MCPH1: variants seen among roughly 807,000 people sequenced by gnomAD.
The protein encoded by MCPH1 is microcephalin 1, also known as microcephalin.
In MCPH1, 104 loss-of-function variants were observed where a neutral mutation model predicts 84.5. The ratio of observed to expected loss-of-function variants is 1.23; its 90% CI spans 1.05 to 1.45. The LOEUF (loss-of-function observed/expected upper bound fraction) is 1.45. Ranked by LOEUF, MCPH1 falls within the 40% of genes most tolerant of loss-of-function variation. The pLI is 0.00. For missense variants in MCPH1, 1,498 were observed against 1,005.7 expected, an observed-to-expected ratio of 1.49 and a Z score of -6.62; for synonymous variants, 514 against 366.8, an observed-to-expected ratio of 1.40 and a Z score of -4.58.
intron 5 of MCPH1, among the ~76,000 whole-genome samples, chr8:6,437,912 C>T (rs1233896931): frequency 2.6e-5 from 4 of 152,218 alleles, no homozygotes; most frequent in Non-Finnish European, 5.9e-5. Flanking sequence ...TGTCTCCTTA[C>T]AGTTCATCTC....
intron 12 of MCPH1, among the ~76,000 whole-genome samples, chr8:6,556,809 G>C (rs1824695588): frequency 6.6e-6 from 1 of 151,950 alleles, no homozygotes; most frequent in African/African-American, 2.4e-5. Context: ...GGCTGGTCTT[G>C]AACTCCTGGC....
intron 12 of MCPH1, among the ~76,000 whole-genome samples, chr8:6,600,202 C>T (rs1323343630): frequency 6.6e-6 from 1 of 152,258 alleles, no homozygotes; most frequent in Non-Finnish European, 1.5e-5. Flanking sequence ...AAAACCTACT[C>T]ATCCTGGCAA....
At chr8:6,512,478 C>T (rs1376984150) in intron 12 of MCPH1, among the ~76,000 whole-genome samples, 2 of 152,100 alleles carry the variant, frequency 1.3e-5, no homozygotes, top group African/African-American at 2.4e-5. Context: ...AATTTCTGAC[C>T]TCAAAGTGGG....
rs77429156 is a variant in MCPH1 at position 6,577,457 on chromosome 8, G to A, written c.2215-43997G>A. On this transcript the variant is annotated intron_variant, in intron 12 of 13. Transcript: ENST00000344683. ...ACATATTCTGAATGTACAAATGGCT[G>A]TCTAGTAAACACACTGGAACTTCCA... Among the ~76,000 whole-genome samples, 844 of 152,338 alleles carry A rather than the reference G, an allele frequency of 5.5e-3. 11 individuals carry two copies. The highest frequency in any genetic ancestry group is 0.055 in the East Asian group (285 of 5,188).
intron 12 of MCPH1, among the ~76,000 whole-genome samples, chr8:6,561,139 A>T (rs1374870459): frequency 2.0e-5 from 3 of 152,218 alleles, no homozygotes; most frequent in Non-Finnish European, 4.4e-5. Flanking sequence ...CATACTTTTT[A>T]AGCTTAGCGT....
intron 12 of MCPH1, among the ~76,000 whole-genome samples, chr8:6,517,019 C>G (rs1275844452): frequency 6.6e-6 from 1 of 152,148 alleles, no homozygotes; most frequent in Non-Finnish European, 1.5e-5. Flanking sequence ...GAAAAAAGAA[C>G]AGAGGATTTG....
At chr8:6,594,714 GGAC>G (rs1828789874) in intron 12 of MCPH1, among the ~76,000 whole-genome samples, 1 of 135,350 alleles carries the variant, frequency 7.4e-6, no homozygotes, top group Non-Finnish European at 1.7e-5. Context: ...GGACTGCAGG[GGAC>G]TGCAGGGGAA....
intron 12 of MCPH1, among the ~76,000 whole-genome samples, chr8:6,619,845 A>C (rs1302807371): frequency 6.6e-6 from 1 of 152,218 alleles, no homozygotes; most frequent in Non-Finnish European, 1.5e-5. Flanking sequence ...CAGCCTCGCA[A>C]AGTGCTGGGA....
At position 6,414,803 on chromosome 8, in the gene MCPH1, C is replaced by A. The variant is rs1414031254; in HGVS notation, c.153C>A (p.Ile51=). Residue 51 remains isoleucine (I), a synonymous_variant, in exon 3 of 14, where the codon ATC becomes ATA. Transcript: ENST00000344683. ...TTAACAAACAAGTAACTCACGTTAT[C>A]TTCAAAGATGGCTACCAGAGCACTT... The part of the protein sequence containing the change: ...KTFNKQVTHV[I]FKDGYQSTWD... 6.2e-7 allele frequency: 1 copy of A among 1,613,822 alleles called. No individual in the cohort carries two copies. Among genetic ancestry groups the A allele is most frequent in the Non-Finnish European group, 8.5e-7 (1 of 1,179,868 alleles).
intron 12 of MCPH1, among the ~76,000 whole-genome samples, chr8:6,544,538 T>C (rs961286695): frequency 2.0e-5 from 3 of 152,238 alleles, no homozygotes; most frequent in African/African-American, 7.2e-5. Context: ...CAAGTCATTT[T>C]CGGAGAGAGT....
intron 12 of MCPH1, among the ~76,000 whole-genome samples, chr8:6,515,804 A>C (rs546663202): frequency 2.0e-4 from 30 of 152,328 alleles, no homozygotes; most frequent in Admixed American, 9.1e-4. Flanking sequence ...AGAATAATGG[A>C]GGCGATTTGG....
chr8:6,483,095 T>G (rs1223563485), intron 11 of MCPH1, among the ~76,000 whole-genome samples: 1 of 152,192 alleles, frequency 6.6e-6, no homozygotes, highest in Non-Finnish European at 1.5e-5. Flanking sequence ...AAGAATTCCA[T>G]TGAAACTTCA....
intron 3 of MCPH1, among the ~76,000 whole-genome samples, chr8:6,415,575 A>G (rs1585599377): frequency 1.3e-5 from 2 of 152,030 alleles, no homozygotes; most frequent in East Asian, 1.9e-4. Context: ...GCTGGTTTCA[A>G]ACTTCTGACC....
chr8:6,628,395 G>C (rs972479182), intron 13 of MCPH1, among the ~76,000 whole-genome samples: 1 of 149,344 alleles, frequency 6.7e-6, no homozygotes, highest in African/African-American at 2.5e-5. Context: ...GCATGAACCC[G>C]GGAGGCAGAG....
At chr8:6,528,515 C>T (rs532029544) in intron 12 of MCPH1, among the ~76,000 whole-genome samples, 1 of 152,194 alleles carries the variant, frequency 6.6e-6, no homozygotes, top group Non-Finnish European at 1.5e-5. Context: ...TGCCATTTCT[C>T]CTTCCTGTTT....
At chr8:6,534,403 G>T (rs1333652086) in intron 12 of MCPH1, among the ~76,000 whole-genome samples, 1 of 152,082 alleles carries the variant, frequency 6.6e-6, no homozygotes, top group Non-Finnish European at 1.5e-5. Context: ...GTGGATTTTG[G>T]TATTCTCGGG....
chr8:6,470,218 C>G (rs1289704624), intron 9 of MCPH1, among the ~76,000 whole-genome samples: 1 of 152,268 alleles, frequency 6.6e-6, no homozygotes, highest in South Asian at 2.1e-4. Context: ...CTTCCTGGAG[C>G]TGTCCATATA....
chr8:6,555,464 C>A (rs1360867582), intron 12 of MCPH1, among the ~76,000 whole-genome samples: 2 of 139,348 alleles, frequency 1.4e-5, no homozygotes, highest in Non-Finnish European at 3.0e-5. Flanking sequence ...GGTGGTTTGC[C>A]CTTTTTTTTT....
chr8:6,536,407 G>T (rs914829991), intron 12 of MCPH1, among the ~76,000 whole-genome samples: 1 of 75,212 alleles, frequency 1.3e-5, no homozygotes, highest in Non-Finnish European at 3.1e-5. Flanking sequence ...AGCCTTTTAA[G>T]AGCCAAAGTG....
Sources: gnomAD v4.1 joint callset for allele counts (sites outside exome capture counted in the v4.1 genomes callset) on GRCh38, gnomAD v4.1.1 for gene constraint, MANE v1.5 for transcripts, NCBI Gene and HGNC (gene_info 2026-07-23, HGNC 2026-07-21) for gene names.